The following CEP63 variants were observed in gnomAD, a reference collection of about 807,000 sequenced individuals.
The protein encoded by CEP63 is centrosomal protein 63, also known as centrosomal protein of 63 kDa.
CEP63 carries 84 observed loss-of-function variants against 89.1 expected under a neutral mutation model. That is an observed-to-expected ratio of 0.94 (90% CI 0.79 to 1.13). The LOEUF (loss-of-function observed/expected upper bound fraction) is 1.13, where lower values mean the gene tolerates loss of function less well. Among genes scored for constraint, CEP63 ranks in the 50% most tolerant of loss-of-function variants. The pLI is 0.00. For missense variants in CEP63, 838 were observed against 813.3 expected, an observed-to-expected ratio of 1.03 and a Z score of -0.37; for synonymous variants, 267 against 272.5, an observed-to-expected ratio of 0.98 and a Z score of 0.20.
chr3:134,641,738 C>T, the CEP63 span, among the ~76,000 whole-genome samples: 2 of 152,158 alleles, frequency 1.3e-5, no homozygotes, highest in Non-Finnish European at 2.9e-5. Flanking sequence ...CCCATACCCG[C>T]ACACACCCCT....
At chr3:134,647,694 A>C in the CEP63 span, among the ~76,000 whole-genome samples, 1 of 152,230 alleles carries the variant, frequency 6.6e-6, no homozygotes, top group Non-Finnish European at 1.5e-5. Context: ...AACTGTTAAA[A>C]CAGTTTTCAA....
At chr3:134,716,940 C>T in the CEP63 span, among the ~76,000 whole-genome samples, 1 of 152,214 alleles carries the variant, frequency 6.6e-6, no homozygotes, top group African/African-American at 2.4e-5. Context: ...TGAGCACCAC[C>T]TTCCAAAGGT....
At chr3:134,583,529 A>C (rs1958411943) in intron 10 of CEP63, among the ~76,000 whole-genome samples, 1 of 151,934 alleles carries the variant, frequency 6.6e-6, no homozygotes, top group Non-Finnish European at 1.5e-5. Context: ...GTTCTGTTCC[A>C]TTGGTCTATA....
intron 1 of CEP63, among the ~76,000 whole-genome samples, chr3:134,487,018 A>G (rs1180262918): frequency 6.6e-6 from 1 of 152,212 alleles, no homozygotes; most frequent in Non-Finnish European, 1.5e-5. Flanking sequence ...TTACAGTTTC[A>G]GCACCGTACG....
chr3:134,752,633 A>G, the CEP63 span, among the ~76,000 whole-genome samples: 1 of 152,202 alleles, frequency 6.6e-6, no homozygotes, highest in Non-Finnish European at 1.5e-5. Context: ...AGAAGACAGA[A>G]AAGATGTCAG....
chr3:134,528,569 C>CGTGTGTGTGTGTGTGTGTGTGT (rs34415967), intron 3 of CEP63, among the ~76,000 whole-genome samples: 38 of 147,130 alleles, frequency 2.6e-4, no homozygotes, highest in Admixed American at 1.1e-3. Flanking sequence ...TGTGTGTGTG[C>CGTGTGTGTGTGTGTGTGTGTGT]GTGTGTGTGT....
intron 3 of CEP63, among the ~76,000 whole-genome samples, chr3:134,528,569 C>CGTGTGTGTGTGTGTGTGTGTGTGT (rs34415967): frequency 2.6e-4 from 38 of 147,128 alleles, no homozygotes; most frequent in African/African-American, 9.3e-4. Flanking sequence ...TGTGTGTGTG[C>CGTGTGTGTGTGTGTGTGTGTGTGT]GTGTGTGTGT....
At chr3:134,606,985 A>G in the CEP63 span, 1 of 984,128 alleles carries the variant, frequency 1.0e-6, no homozygotes, top group Non-Finnish European at 1.2e-6. Context: ...ACAAAGAAAT[A>G]CTCTGTACAT....
chr3:134,544,067 A>C (rs563359496), intron 6 of CEP63, among the ~76,000 whole-genome samples: 1 of 152,216 alleles, frequency 6.6e-6, no homozygotes, highest in African/African-American at 2.4e-5. Flanking sequence ...GGCTTATGGG[A>C]AGTTTTTAGC....
chr3:134,646,672 C>T, the CEP63 span, among the ~76,000 whole-genome samples: 1 of 152,128 alleles, frequency 6.6e-6, no homozygotes, highest in African/African-American at 2.4e-5. Context: ...CCATTTGTGT[C>T]ATGGAGGGTG....
chr3:134,773,985 T>C, the CEP63 span, among the ~76,000 whole-genome samples: 5 of 152,332 alleles, frequency 3.3e-5, no homozygotes, highest in South Asian at 1.0e-3. Flanking sequence ...ATTTTCCCAG[T>C]GTCCAGCAGG....
chr3:134,516,323 T>C (rs7373874), intron 3 of CEP63, among the ~76,000 whole-genome samples: 100,308 of 152,196 alleles, frequency 0.66, 33,462 homozygotes, highest in East Asian at 0.81. Context: ...AGCCCTGAGG[T>C]GGTTTTCCCC....
chr3:134,567,152 C>CAAAAA (rs57656773), downstream of CEP63, among the ~76,000 whole-genome samples: 2 of 141,418 alleles, frequency 1.4e-5, no homozygotes, highest in Non-Finnish European at 1.5e-5. Context: ...AGGAAGAAAG[C>CAAAAA]AAAAAAAAAA....
At chr3:134,578,958 A>G (rs1958282305), downstream of CEP63, among the ~76,000 whole-genome samples, 1 of 152,104 alleles carries the variant, frequency 6.6e-6, no homozygotes, top group African/African-American at 2.4e-5. Flanking sequence ...TGGTTTCACC[A>G]TGTTGGCTAG....
At chr3:134,647,038 C>T in the CEP63 span, among the ~76,000 whole-genome samples, 9 of 152,334 alleles carry the variant, frequency 5.9e-5, no homozygotes, top group East Asian at 1.9e-4. Context: ...GGCATCTTCT[C>T]AGGCTTCAAG....
chr3:134,778,495 A>G, the CEP63 span, among the ~76,000 whole-genome samples: 1 of 152,152 alleles, frequency 6.6e-6, no homozygotes, highest in Non-Finnish European at 1.5e-5. Flanking sequence ...TAGTTAGTCA[A>G]TGGCTTAAGT....
chr3:134,494,218 C>T lies in CEP63; in HGVS notation c.-25-1078C>T, dbSNP rs1002332644. On this transcript the variant is annotated intron_variant, in intron 1 of 14. Coordinates refer to ENST00000675561, the MANE Select transcript of CEP63 (RefSeq NM_001353108.3). Reference sequence around the variant, plus strand: ...GCAACCTCCGCCTCCCGACTTCAAGCGATTTTCCTACCTCAGCCTCCCCAT... The same window carrying T: ...GCAACCTCCGCCTCCCGACTTCAAGTGATTTTCCTACCTCAGCCTCCCCAT... Among the ~76,000 whole-genome samples, 9 of 151,746 alleles carry T rather than the reference C, an allele frequency of 5.9e-5. No homozygotes were observed. The South Asian group carries it at 1.5e-3, about 25-fold the overall frequency.
chr3:134,604,768 A>G, the CEP63 span, among the ~76,000 whole-genome samples: 1 of 152,194 alleles, frequency 6.6e-6, no homozygotes, highest in Non-Finnish European at 1.5e-5. Context: ...CCCAAGCTGT[A>G]TGTGTGCATC....
chr3:134,720,917 C>T, the CEP63 span, among the ~76,000 whole-genome samples: 1 of 152,082 alleles, frequency 6.6e-6, no homozygotes, highest in Non-Finnish European at 1.5e-5. Flanking sequence ...TGTGAGTCTT[C>T]CAACTTTGTT....
Sources: gnomAD v4.1 joint callset for allele counts (sites outside exome capture counted in the v4.1 genomes callset) on GRCh38, gnomAD v4.1.1 for gene constraint, MANE v1.5 for transcripts, NCBI Gene and HGNC (gene_info 2026-07-23, HGNC 2026-07-21) for gene names.